Variants in CACNB2 observed in about 807,000 individuals in gnomAD.
CACNB2 encodes calcium voltage-gated channel auxiliary subunit beta 2, also known as voltage-dependent L-type calcium channel subunit beta-2.
In CACNB2, 42 loss-of-function variants were observed where a neutral mutation model predicts 73.3. The ratio of observed to expected loss-of-function variants is 0.57; its 90% CI spans 0.45 to 0.74. The LOEUF is 0.74. CACNB2 is among the 30% of genes least tolerant of loss of function. The pLI is 0.00. For synonymous variants in CACNB2, 348 were observed against 310.3 expected, an observed-to-expected ratio of 1.12 and a Z score of -1.28; for missense variants, 940 against 853.0, an observed-to-expected ratio of 1.10 and a Z score of -1.27.
chr10:18,254,852 A>G (rs1285128921), intron 2 of CACNB2, among the ~76,000 whole-genome samples: 1 of 152,220 alleles, frequency 6.6e-6, no homozygotes, highest in Non-Finnish European at 1.5e-5. Context: ...AATGCATGGA[A>G]ATGTTCAGGA....
At chr10:18,454,034 G>A (rs1478922365) in intron 3 of CACNB2, among the ~76,000 whole-genome samples, 2 of 152,164 alleles carry the variant, frequency 1.3e-5, no homozygotes, top group South Asian at 4.1e-4. Flanking sequence ...CAAGCCCAGC[G>A]CCTTTCCCAC....
Position 18,538,218 on chromosome 10 carries a change from G to C in CACNB2, c.1341G>C (p.Glu447Asp). The change falls in exon 13 of 14, where the codon GAG becomes GAC. Residue 447 changes from glutamate (E) to aspartate (D), a missense_variant. By Grantham distance (45) the Glu-to-Asp change is conservative (BLOSUM62 2). Transcript: ENST00000324631. ...TGATCTTGGATGAGAACCAGCTTGA[G>C]GATGCCTGTGAGCACCTTGCCGACT... is the stretch of plus-strand genomic sequence containing the variant. Reference protein sequence around the residue: ...FDVILDENQLEDACEHLADYL... With the variant: ...FDVILDENQLDDACEHLADYL... 1.9e-6 allele frequency: 3 copies of C among 1,614,120 alleles called. No individual in the cohort carries two copies. Among genetic ancestry groups the C allele is most frequent in the Non-Finnish European group, 2.5e-6 (3 of 1,180,018 alleles).
chr10:18,477,053 A>T (rs2048478147), intron 3 of CACNB2, among the ~76,000 whole-genome samples: 1 of 151,852 alleles, frequency 6.6e-6, no homozygotes, highest in Admixed American at 6.6e-5. Context: ...CATCTGCCAC[A>T]CAGAAAAAGG....
At chr10:18,377,340 G>A (rs1316930198) in intron 2 of CACNB2, among the ~76,000 whole-genome samples, 1 of 152,178 alleles carries the variant, frequency 6.6e-6, no homozygotes, top group Non-Finnish European at 1.5e-5. Context: ...TTGACATCTT[G>A]TGAGCTATAT....
intron 2 of CACNB2, among the ~76,000 whole-genome samples, chr10:18,210,313 G>A (rs750048215): frequency 3.3e-5 from 5 of 152,178 alleles, no homozygotes; most frequent in South Asian, 2.1e-4. Context: ...GCAGGTACAC[G>A]TGTGTGTAGG....
intron 3 of CACNB2, among the ~76,000 whole-genome samples, chr10:18,417,872 AT>A (rs1380266761): frequency 6.6e-6 from 1 of 152,204 alleles, no homozygotes; most frequent in African/African-American, 2.4e-5. Context: ...TGAAGTTAAA[AT>A]GAAACGATTT....
intron 4 of CACNB2, among the ~76,000 whole-genome samples, chr10:18,500,109 T>G (rs138827540): frequency 6.6e-6 from 1 of 152,260 alleles, no homozygotes; most frequent in East Asian, 1.9e-4. Flanking sequence ...CACCAGGAAG[T>G]TAGATTATTA....
chr10:18,514,897 T>A lies in CACNB2; in HGVS notation c.804+528T>A. The A allele has an allele frequency of 3.3e-6, 3 of 896,528 alleles. No homozygotes were observed. The South Asian group carries it at 4.1e-5, about 12-fold the overall frequency. 55.5% of individuals were successfully genotyped at this position (896,528 alleles called of 1,614,324 possible). A position where few individuals can be genotyped will look rare whatever the true frequency, so the allele number is the denominator to read the frequency against. Reference sequence around the variant, plus strand: ...AAAGCAGTTATTAAATTCTGACTTATGATATCCAGATACATAGCTTGTACT... The same window carrying A: ...AAAGCAGTTATTAAATTCTGACTTAAGATATCCAGATACATAGCTTGTACT... On this transcript the variant is annotated intron_variant, in intron 7 of 13. Transcript: ENST00000324631.
At chr10:18,511,717 T>C (rs560334415) in intron 6 of CACNB2, among the ~76,000 whole-genome samples, 2 of 152,314 alleles carry the variant, frequency 1.3e-5, no homozygotes, top group East Asian at 3.9e-4. Context: ...CTCTATGATG[T>C]CATCCTGACT....
In CACNB2 at chr10:18,316,542, C is replaced by G. The variant is rs148072150; in HGVS notation, c.214-85382C>G. Among the ~76,000 whole-genome samples the G allele has an allele frequency of 3.3e-5, 5 of 151,400 alleles. No individual in the cohort carries two copies. In the East Asian group the frequency reaches 7.8e-4, roughly 24 times the overall value. ...GCAGTGGTGTGGCCATAGCTCATTA[C>G]AGCCTCCAACTTCCAGGCTCAGGCA... On this transcript the variant is annotated intron_variant, in intron 2 of 13. Coordinates refer to ENST00000324631, the MANE Select transcript of CACNB2 (RefSeq NM_201596.3).
At chr10:18,401,549 C>T (rs1221031342) in intron 2 of CACNB2, among the ~76,000 whole-genome samples, 1 of 152,144 alleles carries the variant, frequency 6.6e-6, no homozygotes, top group Non-Finnish European at 1.5e-5. Context: ...TAATGTCCTC[C>T]TAGTTTCAAA....
At chr10:18,283,920 A>G (rs1280191438) in intron 2 of CACNB2, among the ~76,000 whole-genome samples, 2 of 152,200 alleles carry the variant, frequency 1.3e-5, no homozygotes, top group South Asian at 2.1e-4. Context: ...AAGAAGATTG[A>G]TTTTGACAAT....
intron 3 of CACNB2, among the ~76,000 whole-genome samples, chr10:18,424,367 G>A (rs1424784850): frequency 6.6e-6 from 1 of 152,182 alleles, no homozygotes; most frequent in African/African-American, 2.4e-5. Flanking sequence ...CAGATTAAGG[G>A]GCTATTCGTG....
chr10:18,498,273 G>T, intron 3 of CACNB2, 82 bp from the exon 4 acceptor site: 2 of 1,517,054 alleles, frequency 1.3e-6, no homozygotes, highest in Non-Finnish European at 1.8e-6. Context: ...TAGTTATTCA[G>T]TATGTCTTTG....
At chr10:18,501,320 T>C (rs1258170992) in intron 5 of CACNB2, among the ~76,000 whole-genome samples, 1 of 152,206 alleles carries the variant, frequency 6.6e-6, no homozygotes, top group East Asian at 1.9e-4. Context: ...GGCTGGGAGA[T>C]GTTTGAGAGA....
intron 6 of CACNB2, among the ~76,000 whole-genome samples, chr10:18,507,126 C>T (rs1041857709): frequency 6.6e-5 from 10 of 152,122 alleles, no homozygotes; most frequent in South Asian, 4.1e-4. Flanking sequence ...CTAGTTCCTG[C>T]GATGGTGCTT....
chr10:18,435,428 C>T (rs550445253), intron 3 of CACNB2, among the ~76,000 whole-genome samples: 1 of 152,110 alleles, frequency 6.6e-6, no homozygotes, highest in Non-Finnish European at 1.5e-5. Flanking sequence ...TTCCAATGAT[C>T]ACTTCTTTCC....
At chr10:18,142,382 T>C (rs745373287) in intron 1 of CACNB2, among the ~76,000 whole-genome samples, 1 of 152,224 alleles carries the variant, frequency 6.6e-6, no homozygotes, top group Non-Finnish European at 1.5e-5. Context: ...CCATCTGGCC[T>C]CTGCCAGAGG....
At chr10:18,247,960 G>C (rs2036932494) in intron 2 of CACNB2, among the ~76,000 whole-genome samples, 2 of 152,122 alleles carry the variant, frequency 1.3e-5, no homozygotes, top group Admixed American at 6.5e-5. Flanking sequence ...ATGGTGGAAG[G>C]GGCAGTGGAT....
Sources: gnomAD v4.1 joint callset for allele counts (sites outside exome capture counted in the v4.1 genomes callset) on GRCh38, gnomAD v4.1.1 for gene constraint, MANE v1.5 for transcripts, NCBI Gene and HGNC (gene_info 2026-07-23, HGNC 2026-07-21) for gene names.